ARHGEF6: variants seen among roughly 807,000 people sequenced by gnomAD.
ARHGEF6 encodes Rac/Cdc42 guanine nucleotide exchange factor 6, also known as rho guanine nucleotide exchange factor 6.
In ARHGEF6, 9 loss-of-function variants were observed where a neutral mutation model predicts 70.3. The observed-to-expected ratio is 0.13, with a 90% CI of 0.08 to 0.22. The LOEUF (loss-of-function observed/expected upper bound fraction) is 0.22. Among genes scored for constraint, ARHGEF6 ranks in the 10% least tolerant of loss-of-function variants. The pLI is 1.00. For missense variants in ARHGEF6, 470 were observed against 563.0 expected (o/e 0.83, Z 1.67); for synonymous variants, 201 against 207.8 (o/e 0.97, Z 0.28).
rs755927768 is a variant in ARHGEF6 at position 136,707,200 on chromosome X, G to A, written c.924-170C>T. Among the ~76,000 whole-genome samples the A allele has an allele frequency of 4.5e-5, 5 of 112,332 alleles. No homozygotes were observed. In the East Asian group the frequency reaches 1.1e-3, roughly 25 times the overall value. ...CATGAAACTCAAATTCTTGCCCACT[G>A]CTTTAAACTCTAGCCACCAAACACA... On this transcript the variant is annotated intron_variant, in intron 8 of 21. Transcript: ENST00000250617.
intron 6 of ARHGEF6, among the ~76,000 whole-genome samples, chrX:136,721,987 C>A (rs997555556): frequency 9.0e-6 from 1 of 111,155 alleles, no homozygotes; most frequent in Non-Finnish European, 1.9e-5. Flanking sequence ...AATTAGCTAG[C>A]TTTAGTCATT....
intron 2 of ARHGEF6, among the ~76,000 whole-genome samples, chrX:136,768,842 G>C (rs1296635838): frequency 2.7e-5 from 3 of 110,717 alleles, no homozygotes; most frequent in Non-Finnish European, 5.7e-5. Context: ...CTCACTTTGG[G>C]GAGGGCACCC....
intron 2 of ARHGEF6, among the ~76,000 whole-genome samples, chrX:136,753,186 C>T (rs189074636): frequency 8.9e-6 from 1 of 112,439 alleles, no homozygotes; most frequent in Admixed American, 9.4e-5. Context: ...ATAGCTGTTC[C>T]TATTTGATAT....
intron 2 of ARHGEF6, among the ~76,000 whole-genome samples, chrX:136,778,200 T>C (rs890932105): frequency 9.0e-6 from 1 of 111,723 alleles, no homozygotes; most frequent in African/African-American, 3.3e-5. Context: ...ATTATTCCCA[T>C]TTTGTAGGTA....
intron 8 of ARHGEF6, among the ~76,000 whole-genome samples, chrX:136,708,201 T>C (rs182585209): frequency 6.7e-4 from 74 of 110,349 alleles, no homozygotes; most frequent in Non-Finnish European, 1.2e-3. Context: ...CATCACACAC[T>C]GGGGCCTGTC....
rs780063494 is a variant in ARHGEF6 at position 136,679,559 on chromosome X, T to C, written c.1806A>G (p.Pro602=). 1.7e-6 allele frequency: 2 copies of C among 1,211,383 alleles called. No individual in the cohort carries two copies. The highest frequency in any genetic ancestry group is 5.9e-5 in the East Asian group (2 of 33,855). ...CCTCTTTATAACCTAGTGCTGCTGATGGTCTAAGTGGAGGTGCAGGTCGTA... is the reference window on the plus strand; with the variant it reads ...CCTCTTTATAACCTAGTGCTGCTGACGGTCTAAGTGGAGGTGCAGGTCGTA... ...SCLRPAPPLR[P]SAALGYKERM... The change falls in exon 16 of 22, where the codon CCA becomes CCG. Residue 602 remains proline (P), a synonymous_variant. Transcript: ENST00000250617.
At chrX:136,735,634 A>T (rs1210699685) in intron 5 of ARHGEF6, among the ~76,000 whole-genome samples, 1 of 112,000 alleles carries the variant, frequency 8.9e-6, no homozygotes, top group African/African-American at 3.2e-5. Flanking sequence ...AATATAACTC[A>T]AACAAGAGTG....
At chrX:136,692,596 T>C (rs2076470397) in intron 9 of ARHGEF6, among the ~76,000 whole-genome samples, 2 of 112,317 alleles carry the variant, frequency 1.8e-5, no homozygotes, top group South Asian at 7.3e-4. Context: ...TTAATGCTAC[T>C]ATTTCATGCT....
At chrX:136,727,149 G>A (rs1441946341) in intron 6 of ARHGEF6, among the ~76,000 whole-genome samples, 3 of 111,344 alleles carry the variant, frequency 2.7e-5, no homozygotes, top group Admixed American at 9.5e-5. Context: ...TCCTTGATTG[G>A]TTCTCATATT....
At chrX:136,686,643 C>CACATATATATATATATATAT (rs1569393963) in intron 11 of ARHGEF6, among the ~76,000 whole-genome samples, 1 of 50,949 alleles carries the variant, frequency 2.0e-5, no homozygotes, top group African/African-American at 1.3e-4. Context: ...TATATATATA[C>CACATATATATATATATATAT]ACACATATAT....
At chrX:136,769,577 T>C (rs1022256569) in intron 2 of ARHGEF6, among the ~76,000 whole-genome samples, 1 of 111,098 alleles carries the variant, frequency 9.0e-6, no homozygotes, top group African/African-American at 3.3e-5. Flanking sequence ...AGGAAAACCA[T>C]AGGTTTAGAG....
chrX:136,779,977 A>G (rs1157225686), intron 1 of ARHGEF6, among the ~76,000 whole-genome samples: 4 of 112,401 alleles, frequency 3.6e-5, no homozygotes, highest in Non-Finnish European at 7.5e-5. Flanking sequence ...TGCTCAATAA[A>G]AATACAAACT....
At chrX:136,757,223 G>T (rs185197696) in intron 2 of ARHGEF6, among the ~76,000 whole-genome samples, 2 of 111,793 alleles carry the variant, frequency 1.8e-5, no homozygotes, top group Non-Finnish European at 3.8e-5. Context: ...AACCAGATGT[G>T]GTGGCACACG....
At position 136,713,374 on chromosome X, in the gene ARHGEF6, T is replaced by C; in HGVS notation, c.733-4A>G. ...TGTCCAGGATGTTCTGTAACACCTA[T>C]GGAAAAAAAAGTCAATGTATTATAA... On this transcript the variant is annotated splice_polypyrimidine_tract_variant and splice_region_variant and intron_variant, in intron 6 of 21. Transcript: ENST00000250617. 8.5e-7 allele frequency: 1 copy of C among 1,178,775 alleles called. No individual in the cohort carries two copies. The highest frequency in any genetic ancestry group is 1.2e-6 in the Non-Finnish European group (1 of 867,228).
chrX:136,771,482 ATGT>A (rs1233814358), intron 2 of ARHGEF6, among the ~76,000 whole-genome samples: 1 of 112,648 alleles, frequency 8.9e-6, no homozygotes, highest in African/African-American at 3.2e-5. Flanking sequence ...GAATTGGCTA[ATGT>A]TGTCTTTTCA....
rs2076875302 is a variant in ARHGEF6 at position 136,727,395 on chromosome X, T to TCTCTCTC, written c.732+4706_732+4707insGAGAGAG. Among the ~76,000 whole-genome samples, 8 of 53,615 alleles carry TCTCTCTC rather than the reference T, an allele frequency of 1.5e-4. No homozygotes were observed. The Admixed American group carries it at 1.6e-3, about 11-fold the overall frequency. The allele number at this position is 53,615 out of a possible 115,157, so 46.6% of individuals were successfully genotyped here. A position where few individuals can be genotyped will look rare whatever the true frequency, so the allele number is the denominator to read the frequency against. ...TTTCTTTCTTTCTTTCTTTCTTTCT[T>TCTCTCTC]TCTCTCTCTCTCTCTCTCTTTCTTT... is the stretch of plus-strand genomic sequence containing the variant. On this transcript the variant is annotated intron_variant, in intron 6 of 21. Transcript: ENST00000250617.
chrX:136,678,494 TAG>T (rs1237914157), intron 16 of ARHGEF6, among the ~76,000 whole-genome samples: 1 of 112,027 alleles, frequency 8.9e-6, no homozygotes, highest in Non-Finnish European at 1.9e-5. Flanking sequence ...AAATTCTAAA[TAG>T]AGTTATATAA....
intron 20 of ARHGEF6, among the ~76,000 whole-genome samples, chrX:136,671,363 A>G (rs1471796887): frequency 2.7e-5 from 3 of 112,384 alleles, no homozygotes; most frequent in Non-Finnish European, 5.6e-5. Context: ...ATGCTGTCCT[A>G]TGCAAATTTA....
intron 6 of ARHGEF6, among the ~76,000 whole-genome samples, chrX:136,714,447 A>G (rs1463325621): frequency 8.9e-6 from 1 of 112,309 alleles, no homozygotes; most frequent in East Asian, 2.8e-4. Context: ...CCCAGTTAAC[A>G]TTCTGGTATA....
Sources: allele counts gnomAD v4.1 joint callset (sites outside exome capture counted in the v4.1 genomes callset), GRCh38; gene constraint gnomAD v4.1.1; transcripts MANE v1.5; gene names NCBI Gene and HGNC (gene_info 2026-07-23, HGNC 2026-07-21).